OR1J2: variants seen among roughly 807,000 people sequenced by gnomAD.
The protein encoded by OR1J2 is olfactory receptor family 1 subfamily J member 2.
For missense variants in OR1J2, 304 were observed against 246.1 expected (o/e 1.24, Z -1.57); for synonymous variants, 142 against 99.7 (o/e 1.42, Z -2.52).
chr9:122,568,372 A>G, the OR1J2 span: 22 of 1,613,876 alleles, frequency 1.4e-5, no homozygotes, highest in Non-Finnish European at 1.9e-5. Context: ...GTGACCAGGT[A>G]CACGATGAGG....
At chr9:122,505,876 C>T (rs776477759), upstream of OR1J2, among the ~76,000 whole-genome samples, 3 of 151,610 alleles carry the variant, frequency 2.0e-5, no homozygotes, top group Non-Finnish European at 4.4e-5. Context: ...CCCTTCTCTT[C>T]CTTCTCTCCT....
At chr9:122,479,928 CT>C in the OR1J2 span, among the ~76,000 whole-genome samples, 1 of 152,178 alleles carries the variant, frequency 6.6e-6, no homozygotes, top group Non-Finnish European at 1.5e-5. Flanking sequence ...CAGCTTTGCT[CT>C]AACAATCCTG....
chr9:122,566,843 CAG>C, the OR1J2 span, among the ~76,000 whole-genome samples: 3 of 152,058 alleles, frequency 2.0e-5, no homozygotes, highest in Non-Finnish European at 2.9e-5. Context: ...GAAGGTGAAC[CAG>C]AAGAAATGTT....
the OR1J2 span, among the ~76,000 whole-genome samples, chr9:122,574,130 C>A: frequency 7.2e-5 from 11 of 152,184 alleles, no homozygotes; most frequent in African/African-American, 2.6e-4. Context: ...GCTTTGAAGT[C>A]AGGTAGTGTC....
chr9:122,528,444 A>G, the OR1J2 span, among the ~76,000 whole-genome samples: 1 of 152,112 alleles, frequency 6.6e-6, no homozygotes, highest in Non-Finnish European at 1.5e-5. Context: ...TTAAAAATAC[A>G]AAAATTAGCC....
chr9:122,504,032 T>C, the OR1J2 span, among the ~76,000 whole-genome samples: 347 of 152,338 alleles, frequency 2.3e-3, no homozygotes, highest in African/African-American at 8.0e-3. Context: ...AGGGACAGAC[T>C]TCAATACAAC....
At chr9:122,536,671 T>C in the OR1J2 span, among the ~76,000 whole-genome samples, 1 of 152,228 alleles carries the variant, frequency 6.6e-6, no homozygotes, top group African/African-American at 2.4e-5. Flanking sequence ...TCCCAGACTC[T>C]TGATAGTTTT....
chr9:122,520,946 AT>A, the OR1J2 span, among the ~76,000 whole-genome samples: 1 of 152,222 alleles, frequency 6.6e-6, no homozygotes, highest in African/African-American at 2.4e-5. Flanking sequence ...CTACTTAAAG[AT>A]AAACAGAACT....
At chr9:122,476,764 G>C in the OR1J2 span, among the ~76,000 whole-genome samples, 1 of 151,738 alleles carries the variant, frequency 6.6e-6, no homozygotes, top group South Asian at 2.1e-4. Flanking sequence ...GGAGTGCAGT[G>C]GCACGATCTT....
chr9:122,504,018 G>T, the OR1J2 span, among the ~76,000 whole-genome samples: 2 of 152,210 alleles, frequency 1.3e-5, no homozygotes, highest in Admixed American at 6.5e-5. Flanking sequence ...ATAGGTAAGG[G>T]CTGAGGGACA....
chr9:122,498,770 G>T, the OR1J2 span, among the ~76,000 whole-genome samples: 1 of 152,030 alleles, frequency 6.6e-6, no homozygotes, highest in Non-Finnish European at 1.5e-5. Flanking sequence ...TCTAATTTTT[G>T]TGATTATTTT....
chr9:122,567,981 C>G, the OR1J2 span: 2 of 1,613,916 alleles, frequency 1.2e-6, no homozygotes, highest in Non-Finnish European at 1.7e-6. Context: ...GAAGGTGAGA[C>G]GATTCAGCAG....
the OR1J2 span, among the ~76,000 whole-genome samples, chr9:122,546,033 G>A: frequency 2.0e-5 from 3 of 152,042 alleles, no homozygotes; most frequent in Non-Finnish European, 4.4e-5. Context: ...GTGTGTGTTG[G>A]GGGGTGGATA....
the OR1J2 span, chr9:122,519,445 A>AT: frequency 6.2e-7 from 1 of 1,614,024 alleles, no homozygotes; most frequent in Non-Finnish European, 8.5e-7. Flanking sequence ...ACTCAGATGT[A>AT]TTTTTTCATA....
At chr9:122,535,757 C>T in the OR1J2 span, among the ~76,000 whole-genome samples, 17 of 152,086 alleles carry the variant, frequency 1.1e-4, no homozygotes, top group Non-Finnish European at 1.8e-4. Flanking sequence ...CATGTGCGTC[C>T]GTGTGAAGAG....
chr9:122,472,327 C>A, the OR1J2 span, among the ~76,000 whole-genome samples: 1 of 152,236 alleles, frequency 6.6e-6, no homozygotes, highest in Non-Finnish European at 1.5e-5. Flanking sequence ...TTTTACAGGA[C>A]AAGTTATAAT....
the OR1J2 span, among the ~76,000 whole-genome samples, chr9:122,564,407 G>A: frequency 6.6e-6 from 1 of 152,144 alleles, no homozygotes; most frequent in African/African-American, 2.4e-5. Flanking sequence ...GTGGAGTGGG[G>A]GGGTATTATG....
chr9:122,465,544 G>A, the OR1J2 span, among the ~76,000 whole-genome samples: 1 of 152,120 alleles, frequency 6.6e-6, no homozygotes. Flanking sequence ...GGTCATACTG[G>A]GGGGCATTTG....
chr9:122,554,179 T>C, the OR1J2 span: 4 of 1,571,772 alleles, frequency 2.5e-6, no homozygotes, highest in South Asian at 1.2e-5. Context: ...ATCTAGACGG[T>C]GATGTCTAAT....
Sources: allele counts gnomAD v4.1 joint callset (sites outside exome capture counted in the v4.1 genomes callset), GRCh38; gene constraint gnomAD v4.1.1; transcripts MANE v1.5; gene names NCBI Gene and HGNC (gene_info 2026-07-23, HGNC 2026-07-21).